GLIS3: variants seen among roughly 807,000 people sequenced by gnomAD.
The protein encoded by GLIS3 is GLIS family zinc finger 3.
Under a neutral mutation model 78.6 loss-of-function variants are expected in GLIS3, and 53 were observed. The ratio of observed to expected loss-of-function variants is 0.67; its 90% confidence interval spans 0.54 to 0.85. GLIS3 has a LOEUF of 0.85. Ranked by LOEUF, GLIS3 falls within the 40% of genes least tolerant of loss-of-function variation. The pLI is 0.00. For synonymous variants in GLIS3, 684 were observed against 509.9 expected, an observed-to-expected ratio of 1.34 and a Z score of -4.60; for missense variants, 1,703 against 1,231.1, an observed-to-expected ratio of 1.38 and a Z score of -5.74.
chr9:3,978,318 A>C (rs1818949818), intron 4 of GLIS3, among the ~76,000 whole-genome samples: 1 of 152,164 alleles, frequency 6.6e-6, no homozygotes, highest in African/African-American at 2.4e-5. Context: ...TTACATAAAT[A>C]AACACTATTA....
At chr9:4,009,265 G>C (rs1368701696) in intron 4 of GLIS3, among the ~76,000 whole-genome samples, 2 of 152,146 alleles carry the variant, frequency 1.3e-5, no homozygotes, top group Non-Finnish European at 2.9e-5. Flanking sequence ...CGTGTGCAAA[G>C]ACAGCCCCTC....
intron 2 of GLIS3, among the ~76,000 whole-genome samples, chr9:4,210,762 T>C (rs1296475840): frequency 1.3e-5 from 2 of 152,246 alleles, no homozygotes; most frequent in African/African-American, 4.8e-5. Flanking sequence ...TCGATGCAGC[T>C]TCACCTGCTA....
At chr9:4,338,436 A>G (rs1412202782) in intron 2 of GLIS3, among the ~76,000 whole-genome samples, 1 of 151,890 alleles carries the variant, frequency 6.6e-6, no homozygotes, top group Admixed American at 6.6e-5. Context: ...TCCCTGGATT[A>G]TTCTTATTCA....
At chr9:3,905,250 A>G (rs552419681) in intron 6 of GLIS3, among the ~76,000 whole-genome samples, 4 of 145,224 alleles carry the variant, frequency 2.8e-5, no homozygotes, top group African/African-American at 1.0e-4. Flanking sequence ...TCGGCCTCCC[A>G]AAGTGCTGGG....
At chr9:4,029,340 T>G (rs1037425871) in intron 4 of GLIS3, among the ~76,000 whole-genome samples, 4 of 151,650 alleles carry the variant, frequency 2.6e-5, no homozygotes, top group Middle Eastern at 3.2e-3. Flanking sequence ...GGGTTCATAG[T>G]AGGTGTATAT....
chr9:4,128,879 A>G (rs1016225714), intron 2 of GLIS3, among the ~76,000 whole-genome samples: 2 of 152,190 alleles, frequency 1.3e-5, no homozygotes, highest in African/African-American at 2.4e-5. Flanking sequence ...TCACTGGTCA[A>G]CTTTACACTT....
At chr9:4,233,094 C>G (rs981266815) in intron 2 of GLIS3, among the ~76,000 whole-genome samples, 1 of 152,168 alleles carries the variant, frequency 6.6e-6, no homozygotes, top group African/African-American at 2.4e-5. Context: ...TTGATACCAA[C>G]GATACAAATA....
intron 4 of GLIS3, among the ~76,000 whole-genome samples, chr9:3,982,500 CA>C (rs1819381950): frequency 6.6e-6 from 1 of 152,304 alleles, no homozygotes; most frequent in African/African-American, 2.4e-5. Context: ...TCCTCTTTTA[CA>C]AGTAACCCAT....
chr9:3,982,938 G>C (rs1312851449), intron 4 of GLIS3, among the ~76,000 whole-genome samples: 2 of 152,286 alleles, frequency 1.3e-5, no homozygotes, highest in East Asian at 1.9e-4. Context: ...GAAGAAACTA[G>C]AGTGAAAATC....
chr9:4,216,386 T>A (rs1192877017), intron 2 of GLIS3, among the ~76,000 whole-genome samples: 4 of 149,692 alleles, frequency 2.7e-5, no homozygotes, highest in Non-Finnish European at 4.4e-5. Context: ...GGCAGGAGAA[T>A]GGCGTGAGCT....
chr9:4,011,116 T>C (rs1246766906), intron 4 of GLIS3, among the ~76,000 whole-genome samples: 1 of 152,172 alleles, frequency 6.6e-6, no homozygotes, highest in Non-Finnish European at 1.5e-5. Context: ...TGAAACACCC[T>C]ATTTGCAAAT....
the GLIS3 span, among the ~76,000 whole-genome samples, chr9:4,368,930 T>A: frequency 6.6e-6 from 1 of 152,214 alleles, no homozygotes; most frequent in African/African-American, 2.4e-5. Flanking sequence ...GAGAATAATC[T>A]AAACCTGGTT....
intron 2 of GLIS3, among the ~76,000 whole-genome samples, chr9:4,266,769 C>G (rs909087718): frequency 6.6e-6 from 1 of 152,172 alleles, no homozygotes; most frequent in Non-Finnish European, 1.5e-5. Context: ...TTAGAAGTTA[C>G]TTGGAAAACA....
At chr9:4,405,071 C>G in the GLIS3 span, among the ~76,000 whole-genome samples, 1 of 152,052 alleles carries the variant, frequency 6.6e-6, no homozygotes, top group Non-Finnish European at 1.5e-5. Flanking sequence ...TTCAAATGAT[C>G]CTGCCTGGCG....
chr9:3,908,713 T>TTTTTG (rs1823906122), intron 6 of GLIS3, among the ~76,000 whole-genome samples: 1 of 122,850 alleles, frequency 8.1e-6, no homozygotes, highest in African/African-American at 2.9e-5. Context: ...TTTGTTTTTT[T>TTTTTG]TTTTTTTTTT....
intron 4 of GLIS3, among the ~76,000 whole-genome samples, chr9:4,067,756 C>T (rs2130610922): frequency 6.7e-6 from 1 of 149,618 alleles, no homozygotes; most frequent in East Asian, 2.0e-4. Flanking sequence ...GGAGAGAAAA[C>T]AAATTAATAA....
chr9:4,316,859 G>C (rs10814929), intron 2 of GLIS3, among the ~76,000 whole-genome samples: 2 of 151,900 alleles, frequency 1.3e-5, no homozygotes, highest in Admixed American at 6.6e-5. Flanking sequence ...GAGAAGTGTT[G>C]GTGATCTTTA....
intron 4 of GLIS3, among the ~76,000 whole-genome samples, chr9:4,044,534 T>C (rs1318398772): frequency 1.3e-5 from 2 of 152,158 alleles, no homozygotes; most frequent in African/African-American, 2.4e-5. Context: ...AGAGAAGGAA[T>C]CCAATGGGTC....
At chr9:4,097,284 G>GT (rs1830027497) in intron 4 of GLIS3, among the ~76,000 whole-genome samples, 1 of 151,888 alleles carries the variant, frequency 6.6e-6, no homozygotes, top group Non-Finnish European at 1.5e-5. Flanking sequence ...AGGATTCAAA[G>GT]TAAAAAAAAG....
Sources: allele counts gnomAD v4.1 joint callset (sites outside exome capture counted in the v4.1 genomes callset), GRCh38; gene constraint gnomAD v4.1.1; transcripts MANE v1.5; gene names NCBI Gene and HGNC (gene_info 2026-07-23, HGNC 2026-07-21).